Variants in FRMD4A observed in about 807,000 individuals in gnomAD.
FRMD4A encodes FERM domain-containing protein 4A.
Under a neutral mutation model 129.1 loss-of-function variants are expected in FRMD4A, and 29 were observed. The observed-to-expected ratio is 0.22, with a 90% CI of 0.17 to 0.31. FRMD4A has a LOEUF of 0.31. Ranked by LOEUF, FRMD4A falls within the 10% of genes least tolerant of loss-of-function variation. FRMD4A has a pLI of 1.00. For missense variants in FRMD4A, 1,272 were observed against 1,375.8 expected (o/e 0.92, Z 1.19); for synonymous variants, 634 against 571.6 (o/e 1.11, Z -1.56).
intron 2 of FRMD4A, among the ~76,000 whole-genome samples, chr10:14,032,758 G>A (rs1428037521): frequency 6.6e-6 from 1 of 152,168 alleles, no homozygotes; most frequent in Non-Finnish European, 1.5e-5. Flanking sequence ...CTGTTGCTAG[G>A]AGCCAGCATC....
chr10:13,824,750 C>G (rs1182382205), intron 3 of FRMD4A, among the ~76,000 whole-genome samples: 1 of 151,766 alleles, frequency 6.6e-6, no homozygotes, highest in East Asian at 1.9e-4. Context: ...AAAAAATTAG[C>G]TGGGCCTGGT....
intron 15 of FRMD4A, among the ~76,000 whole-genome samples, chr10:13,688,372 C>G (rs934720683): frequency 2.0e-5 from 3 of 151,560 alleles, no homozygotes; most frequent in Non-Finnish European, 2.9e-5. Flanking sequence ...GGAAGGGGAA[C>G]ATCACACACT....
At chr10:13,802,003 CAAAAA>C (rs11426622) in intron 4 of FRMD4A, among the ~76,000 whole-genome samples, 2 of 109,508 alleles carry the variant, frequency 1.8e-5, no homozygotes, top group Admixed American at 1.1e-4. Flanking sequence ...AATAATAATG[CAAAAA>C]AAAAAAAAAA....
At position 13,675,222 on chromosome 10, in the gene FRMD4A, G is replaced by A. The variant is rs1228588192; in HGVS notation, c.1118-178C>T. ...TGAGAAGCACATTCCAGCACTGCATGGAATTTATAGCCAGTCACAAGAAAT... is the reference window on the plus strand; with the variant it reads ...TGAGAAGCACATTCCAGCACTGCATAGAATTTATAGCCAGTCACAAGAAAT... On this transcript the variant is annotated intron_variant, in intron 15 of 24. Transcript: ENST00000357447. Among the ~76,000 whole-genome samples the A allele has an allele frequency of 3.3e-5, 5 of 152,148 alleles. No individual in the cohort carries two copies. The East Asian group carries it at 9.6e-4, about 29-fold the overall frequency.
chr10:13,846,703 A>G (rs924539307), intron 3 of FRMD4A, among the ~76,000 whole-genome samples: 4 of 152,128 alleles, frequency 2.6e-5, no homozygotes, highest in Admixed American at 2.0e-4. Flanking sequence ...TGTACTCCTC[A>G]CCTCTCTGAT....
At chr10:14,072,027 C>T (rs1307224746) in intron 2 of FRMD4A, among the ~76,000 whole-genome samples, 1 of 152,164 alleles carries the variant, frequency 6.6e-6, no homozygotes, top group Non-Finnish European at 1.5e-5. Flanking sequence ...GATATTGATA[C>T]CTAAAATTCC....
chr10:13,684,680 G>A (rs1312244129), intron 15 of FRMD4A: 9 of 985,212 alleles, frequency 9.1e-6, no homozygotes, highest in Non-Finnish European at 9.6e-6. Context: ...CAGGAGCCAC[G>A]CGTGGCTCAT....
chr10:13,902,863 A>T (rs2094837819), intron 2 of FRMD4A, among the ~76,000 whole-genome samples: 1 of 151,634 alleles, frequency 6.6e-6, no homozygotes, highest in Admixed American at 6.6e-5. Context: ...AAAAACAACA[A>T]CAAACAACAG....
intron 2 of FRMD4A, among the ~76,000 whole-genome samples, chr10:13,868,530 C>A (rs763589328): frequency 4.6e-5 from 7 of 152,078 alleles, no homozygotes; most frequent in Non-Finnish European, 8.8e-5. Context: ...TGGCCAGGCA[C>A]GGCGGCTCAC....
At chr10:13,901,782 C>A (rs959521337) in intron 2 of FRMD4A, among the ~76,000 whole-genome samples, 1 of 152,066 alleles carries the variant, frequency 6.6e-6, no homozygotes, top group African/African-American at 2.4e-5. Context: ...AGCCCCGGGA[C>A]CTCCCAGCCC....
At chr10:13,844,412 C>T (rs1398846524) in intron 3 of FRMD4A, among the ~76,000 whole-genome samples, 1 of 151,952 alleles carries the variant, frequency 6.6e-6, no homozygotes, top group Non-Finnish European at 1.5e-5. Context: ...TCTAAAACAC[C>T]TTTGTATCAA....
At chr10:13,753,600 A>C (rs1029640495) in intron 8 of FRMD4A, among the ~76,000 whole-genome samples, 4 of 137,568 alleles carry the variant, frequency 2.9e-5, no homozygotes, top group African/African-American at 1.1e-4. Context: ...GCTAGAGCGC[A>C]GTTTTGAGAT....
intron 11 of FRMD4A, among the ~76,000 whole-genome samples, chr10:13,739,550 A>C (rs1179931888): frequency 6.6e-6 from 1 of 152,246 alleles, no homozygotes; most frequent in African/African-American, 2.4e-5. Flanking sequence ...TGGCACTTTG[A>C]AAATCACAAG....
At chr10:13,844,544 T>C (rs1318784629) in intron 3 of FRMD4A, among the ~76,000 whole-genome samples, 1 of 152,194 alleles carries the variant, frequency 6.6e-6, no homozygotes, top group African/African-American at 2.4e-5. Flanking sequence ...CACTTTATTG[T>C]AGTAACATAT....
rs181004706 is a variant in FRMD4A, at chr10:13,937,843, C to T, written c.46-78931G>A. On this transcript the variant is annotated intron_variant, in intron 2 of 24. Coordinates refer to ENST00000357447, the MANE Select transcript of FRMD4A (RefSeq NM_018027.5). ...TTAATTGTAACCATTATATTGTGAA[C>T]GATCCACTAATCCTTCAATTTCATT... 5.9e-5 allele frequency among the ~76,000 whole-genome samples: 9 copies of T among 152,248 alleles called. No individual in the cohort carries two copies. The East Asian group carries it at 9.6e-4, about 16-fold the overall frequency.
At chr10:13,713,995 T>TATGCATATATAAA (rs1554858782) in intron 12 of FRMD4A, among the ~76,000 whole-genome samples, 12 of 71,298 alleles carry the variant, frequency 1.7e-4, no homozygotes, top group Non-Finnish European at 2.9e-4. Flanking sequence ...ACATATATAA[T>TATGCATATATAAA]ATACATATAT....
intron 2 of FRMD4A, among the ~76,000 whole-genome samples, chr10:13,965,694 C>T (rs552604295): frequency 1.3e-5 from 2 of 152,320 alleles, no homozygotes; most frequent in South Asian, 4.1e-4. Flanking sequence ...CACAGTATTT[C>T]CAATGACAAG....
intron 8 of FRMD4A, among the ~76,000 whole-genome samples, chr10:13,753,479 A>G (rs2091722415): frequency 6.6e-6 from 1 of 151,838 alleles, no homozygotes; most frequent in African/African-American, 2.4e-5. Context: ...AAATCACATG[A>G]ATTTACCAAC....
intron 2 of FRMD4A, among the ~76,000 whole-genome samples, chr10:14,133,673 C>T (rs1359736676): frequency 6.6e-6 from 1 of 152,242 alleles, no homozygotes; most frequent in Non-Finnish European, 1.5e-5. Context: ...CCTGTTCTCA[C>T]TCCCATGTGC....
Sources: allele counts gnomAD v4.1 joint callset (sites outside exome capture counted in the v4.1 genomes callset), GRCh38; gene constraint gnomAD v4.1.1; transcripts MANE v1.5; gene names NCBI Gene and HGNC (gene_info 2026-07-23, HGNC 2026-07-21).